The following UBAP1 variants were observed in gnomAD, a reference collection of about 807,000 sequenced individuals.
UBAP1 encodes ubiquitin-associated protein 1.
A neutral mutation model predicts 39.0 loss-of-function variants in UBAP1; 5 were observed. The observed-to-expected ratio is 0.13, with a 90% confidence interval of 0.07 to 0.27. UBAP1 has a LOEUF of 0.27. Among genes scored for constraint, UBAP1 ranks in the 10% least tolerant of loss-of-function variants. The pLI, the probability that UBAP1 is intolerant of heterozygous loss-of-function variation, is 1.00. For missense variants in UBAP1, 490 were observed against 608.1 expected (o/e 0.81, Z 2.04); for synonymous variants, 211 against 225.1 (o/e 0.94, Z 0.56).
chr9:34,237,629 A>G (rs1278546772), intron 3 of UBAP1, among the ~76,000 whole-genome samples: 1 of 152,050 alleles, frequency 6.6e-6, no homozygotes, highest in East Asian at 1.9e-4. Context: ...GTCTAGTGGC[A>G]CAGTCATGGC....
At chr9:34,238,103 A>G (rs1332168960) in intron 3 of UBAP1, among the ~76,000 whole-genome samples, 1 of 149,932 alleles carries the variant, frequency 6.7e-6, no homozygotes, top group Admixed American at 6.7e-5. Flanking sequence ...ATATAAATGG[A>G]ATTCTGCAGT....
At chr9:34,233,603 T>G (rs1383255092) in intron 2 of UBAP1, among the ~76,000 whole-genome samples, 7 of 152,156 alleles carry the variant, frequency 4.6e-5, no homozygotes, top group Admixed American at 3.3e-4. Flanking sequence ...AAGATAGACT[T>G]AAATACTTGC....
At chr9:34,223,978 G>T in intron 2 of UBAP1, 2 of 404,044 alleles carry the variant, frequency 4.9e-6, no homozygotes, top group Non-Finnish European at 9.2e-6. Context: ...AAGACAAAAC[G>T]AGGATTTATT....
chr9:34,225,734 C>G (rs1833011119), intron 2 of UBAP1, among the ~76,000 whole-genome samples: 5 of 146,340 alleles, frequency 3.4e-5, no homozygotes, highest in Admixed American at 1.4e-4. Context: ...GAGCCGAGAT[C>G]ACACCACTGC....
chr9:34,221,474 G>A (rs1832755836), intron 2 of UBAP1, among the ~76,000 whole-genome samples: 1 of 150,784 alleles, frequency 6.6e-6, no homozygotes, highest in African/African-American at 2.4e-5. Context: ...AGCTTGCAGT[G>A]AGCCGAGATC....
chr9:34,237,831 G>A lies in UBAP1; in HGVS notation c.160-3354G>A, dbSNP rs535510619. On this transcript the variant is annotated intron_variant, in intron 3 of 6. Coordinates refer to ENST00000297661, the MANE Select transcript of UBAP1 (RefSeq NM_016525.5). ...GATCTGCCCACCTCAGCCTCCCAAAGTGCTGGGATTACAGGTGTCAGCCAC... is the reference window on the plus strand; with the variant it reads ...GATCTGCCCACCTCAGCCTCCCAAAATGCTGGGATTACAGGTGTCAGCCAC... Among the ~76,000 whole-genome samples, 19 of 152,284 alleles carry A rather than the reference G, an allele frequency of 1.2e-4. No individual in the cohort carries two copies. In the South Asian group the frequency reaches 3.3e-3, roughly 27 times the overall value.
At chr9:34,216,129 C>T (rs190874639) in intron 1 of UBAP1, among the ~76,000 whole-genome samples, 455 of 150,764 alleles carry the variant, frequency 3.0e-3, no homozygotes, top group Non-Finnish European at 4.9e-3. Context: ...TATTGACACG[C>T]GTCTTTCTGG....
chr9:34,203,476 C>T (rs1301529280), intron 1 of UBAP1, among the ~76,000 whole-genome samples: 1 of 152,146 alleles, frequency 6.6e-6, no homozygotes, highest in South Asian at 2.1e-4. Context: ...TGGCCGGGCA[C>T]TATGCTTGGT....
intron 1 of UBAP1, among the ~76,000 whole-genome samples, chr9:34,199,438 A>C (rs1158802331): frequency 6.6e-6 from 1 of 152,156 alleles, no homozygotes; most frequent in African/African-American, 2.4e-5. Context: ...TTTTAGATTT[A>C]CAGAACATTT....
intron 2 of UBAP1, among the ~76,000 whole-genome samples, chr9:34,227,327 T>G (rs947276328): frequency 2.0e-5 from 3 of 152,168 alleles, no homozygotes; most frequent in African/African-American, 7.2e-5. Context: ...TATTTTTAAG[T>G]CCTTTGCTGC....
At chr9:34,196,372 A>G (rs1321692365) in intron 1 of UBAP1, among the ~76,000 whole-genome samples, 2 of 150,222 alleles carry the variant, frequency 1.3e-5, no homozygotes, top group Admixed American at 1.3e-4. Context: ...CTGGAGTGCA[A>G]TGGCGTGATC....
At chr9:34,201,823 C>T (rs1831388782) in intron 1 of UBAP1, among the ~76,000 whole-genome samples, 1 of 152,148 alleles carries the variant, frequency 6.6e-6, no homozygotes, top group Admixed American at 6.6e-5. Flanking sequence ...AGTCACAAGT[C>T]TGGGCCTCAA....
At chr9:34,180,795 C>CTTTTTTTTTTTTTTT (rs11285458) in intron 1 of UBAP1, among the ~76,000 whole-genome samples, 1 of 144,248 alleles carries the variant, frequency 6.9e-6, no homozygotes, top group African/African-American at 2.6e-5. Flanking sequence ...GGAAAAAAAA[C>CTTTTTTTTTTTTTTT]TTTTTTTTTT....
At position 34,222,597 on chromosome 9, in the gene UBAP1, C is replaced by G. The variant is rs1312041281; in HGVS notation, c.34+1649C>G. Among the ~76,000 whole-genome samples, 5 of 152,020 alleles carry G rather than the reference C, an allele frequency of 3.3e-5. No homozygotes were observed. In the East Asian group the frequency reaches 9.7e-4, roughly 29 times the overall value. ...ATCGCTTGAGGCCAGGAGTTCAAGA[C>G]CAGCCTCAGCAACATAGTGAGACGC... On this transcript the variant is annotated intron_variant, in intron 2 of 6. Transcript: ENST00000297661.
intron 1 of UBAP1, among the ~76,000 whole-genome samples, chr9:34,202,877 C>G (rs549840025): frequency 6.6e-6 from 1 of 152,026 alleles, no homozygotes; most frequent in East Asian, 1.9e-4. Context: ...AGAAAATGAA[C>G]TTATTCCTTA....
chr9:34,251,125 G>C (rs1834495877), intron 6 of UBAP1, among the ~76,000 whole-genome samples: 1 of 152,332 alleles, frequency 6.6e-6, no homozygotes, highest in South Asian at 2.1e-4. Context: ...GGATGTGGGT[G>C]GTGGGACCCA....
chr9:34,240,371 C>A (rs1368988278), intron 3 of UBAP1, among the ~76,000 whole-genome samples: 3 of 152,170 alleles, frequency 2.0e-5, no homozygotes, highest in Non-Finnish European at 4.4e-5. Context: ...TCTCTTTTCC[C>A]CCTTTTTTAC....
At chr9:34,214,302 G>A (rs1409919573) in intron 1 of UBAP1, among the ~76,000 whole-genome samples, 1 of 152,088 alleles carries the variant, frequency 6.6e-6, no homozygotes, top group African/African-American at 2.4e-5. Flanking sequence ...AAAACAGCAC[G>A]GTACTGGTAT....
chr9:34,182,681 T>TCTTTCTCTCTCTCTC, intron 1 of UBAP1, among the ~76,000 whole-genome samples: 1 of 115,598 alleles, frequency 8.7e-6, no homozygotes, highest in South Asian at 3.1e-4. Flanking sequence ...CTTTCTTTCT[T>TCTTTCTCTCTCTCTC]TCTCTCTCTC....
Sources: gnomAD v4.1 joint callset for allele counts (sites outside exome capture counted in the v4.1 genomes callset) on GRCh38, gnomAD v4.1.1 for gene constraint, MANE v1.5 for transcripts, NCBI Gene and HGNC (gene_info 2026-07-23, HGNC 2026-07-21) for gene names.